The following TENM4 variants were observed in gnomAD, a reference collection of about 807,000 sequenced individuals.
TENM4 encodes teneurin-4.
TENM4 carries 82 observed loss-of-function variants against 243.3 expected under a neutral mutation model. That is an observed-to-expected ratio of 0.34 (90% confidence interval 0.28 to 0.40). The LOEUF (loss-of-function observed/expected upper bound fraction) is 0.40. TENM4 is among the 10% of genes least tolerant of loss of function. TENM4 has a pLI of 1.00. For missense variants in TENM4, 3,138 were observed against 3,673.3 expected (o/e 0.85, Z 3.77); for synonymous variants, 1,412 against 1,456.3 (o/e 0.97, Z 0.69).
intron 3 of TENM4, among the ~76,000 whole-genome samples, chr11:79,211,210 A>G (rs929433668): frequency 6.6e-6 from 1 of 152,204 alleles, no homozygotes; most frequent in Admixed American, 6.5e-5. Context: ...TGGGAAAAGC[A>G]TTCTAGGCCA....
chr11:79,007,389 G>T (rs1858514793), intron 6 of TENM4, among the ~76,000 whole-genome samples: 1 of 152,170 alleles, frequency 6.6e-6, no homozygotes, highest in African/African-American at 2.4e-5. Context: ...GAGACTATGT[G>T]AGTGATTTCC....
At chr11:79,081,986 T>C (rs1860687483) in intron 4 of TENM4, among the ~76,000 whole-genome samples, 1 of 152,192 alleles carries the variant, frequency 6.6e-6, no homozygotes, top group Admixed American at 6.5e-5. Flanking sequence ...TGCATTGCTC[T>C]GTGCCTCAAT....
chr11:79,257,454 G>C (rs1013238592), intron 2 of TENM4, among the ~76,000 whole-genome samples: 2 of 152,170 alleles, frequency 1.3e-5, no homozygotes, highest in Non-Finnish European at 2.9e-5. Context: ...AATGTCCTCA[G>C]CTAGAGGGAG....
chr11:78,743,227 C>A (rs959823065), intron 19 of TENM4, among the ~76,000 whole-genome samples: 4 of 152,122 alleles, frequency 2.6e-5, no homozygotes, highest in African/African-American at 9.7e-5. Context: ...CACTCCTGCT[C>A]CTTCTGGGCT....
intron 12 of TENM4, among the ~76,000 whole-genome samples, chr11:78,837,747 C>G (rs577750840): frequency 6.6e-6 from 1 of 152,270 alleles, no homozygotes; most frequent in South Asian, 2.1e-4. Context: ...TGTTTTCTTT[C>G]TCTTGGACTG....
intron 28 of TENM4, among the ~76,000 whole-genome samples, chr11:78,698,579 T>A (rs1859030048): frequency 6.6e-6 from 1 of 152,236 alleles, no homozygotes; most frequent in South Asian, 2.1e-4. Context: ...ACTAGATTAA[T>A]GGTTCATTGG....
intron 7 of TENM4, among the ~76,000 whole-genome samples, chr11:78,897,520 T>TC (rs2136312883): frequency 6.6e-6 from 1 of 152,244 alleles, no homozygotes; most frequent in African/African-American, 2.4e-5. Context: ...ACCTGGCCGT[T>TC]CCCAGTAAGG....
chr11:78,711,768 G>T (rs765149304), intron 26 of TENM4, among the ~76,000 whole-genome samples: 2 of 152,016 alleles, frequency 1.3e-5, no homozygotes, highest in Non-Finnish European at 2.9e-5. Context: ...AAGGCACAGG[G>T]GTCTCTCTTG....
Position 78,805,282 on chromosome 11 carries a change from C to CCCCGCCCCACCCCCCCCCCCAA in TENM4, c.2179+9_2179+10insTTGGGGGGGGGGGTGGGGCGGG. The CCCCGCCCCACCCCCCCCCCCAA allele has an allele frequency of 1.0e-6, 1 of 995,568 alleles. No homozygotes were observed. Among genetic ancestry groups the CCCCGCCCCACCCCCCCCCCCAA allele is most frequent in the Non-Finnish European group, 1.2e-6 (1 of 823,790 alleles). The allele number at this position is 995,568 out of a possible 1,614,324, so 61.7% of individuals were successfully genotyped here. On this transcript the variant is annotated intron_variant, in intron 15 of 33. Coordinates refer to ENST00000278550, the MANE Select transcript of TENM4 (RefSeq NM_001098816.3). Reference sequence around the variant, plus strand: ...CCCTCTACCCATGCTTCTTCTCCCCCTGCATTTACCGATAGAACAGTCGTG... The same window carrying CCCCGCCCCACCCCCCCCCCCAA: ...CCCTCTACCCATGCTTCTTCTCCCCCCCCGCCCCACCCCCCCCCCCAATGCATTTACCGATAGAACAGTCGTG...
intron 1 of TENM4, among the ~76,000 whole-genome samples, chr11:79,437,977 C>T (rs1261643982): frequency 6.6e-6 from 1 of 152,204 alleles, no homozygotes; most frequent in Admixed American, 6.5e-5. Flanking sequence ...AGGATCATGG[C>T]AGCGGCAGGA....
At chr11:79,173,017 G>A (rs1391289963) in intron 3 of TENM4, among the ~76,000 whole-genome samples, 1 of 152,166 alleles carries the variant, frequency 6.6e-6, no homozygotes, top group Admixed American at 6.5e-5. Context: ...TTTCCAAAAT[G>A]TAAATCTCAT....
chr11:78,845,992 G>A (rs1471304124), intron 12 of TENM4, among the ~76,000 whole-genome samples: 3 of 152,170 alleles, frequency 2.0e-5, no homozygotes, highest in Non-Finnish European at 4.4e-5. Context: ...CCTAGGAGGT[G>A]TGATGCCATG....
intron 25 of TENM4, 48 bp downstream of exon 25, chr11:78,720,322 T>C (rs976461943): frequency 6.2e-7 from 1 of 1,608,230 alleles, no homozygotes; most frequent in Non-Finnish European, 8.5e-7. Flanking sequence ...CCATACAGCA[T>C]GCAACAAGGC....
intron 1 of TENM4, among the ~76,000 whole-genome samples, chr11:79,396,239 C>G (rs1858342310): frequency 6.6e-6 from 1 of 152,340 alleles, no homozygotes; most frequent in African/African-American, 2.4e-5. Context: ...TATTCTCCCC[C>G]ACTGTATGGT....
Position 78,863,064 on chromosome 11 carries a change from C to A in TENM4, c.1153G>T (p.Asp385Tyr). The change falls in exon 10 of 34, where the codon GAC becomes TAC. Residue 385 changes from aspartate (D) to tyrosine (Y), a missense_variant. Physicochemically the swap from Asp to Tyr is radical, Grantham distance 160. Coordinates refer to ENST00000278550, the MANE Select transcript of TENM4 (RefSeq NM_001098816.3). ...GGCACAGGCCAACTGCTGGCTGTGT[C>A]CTCCGTGATCTCATACATCTGCCCC... ...MEGQMYEITE[D>Y]TASSWPVPTD... is the part of the protein sequence containing the mutation. 6.5e-7 allele frequency: 1 copy of A among 1,536,810 alleles called. No homozygotes were observed.
At chr11:78,746,385 C>T (rs1856052102) in intron 19 of TENM4, among the ~76,000 whole-genome samples, 1 of 152,254 alleles carries the variant, frequency 6.6e-6, no homozygotes, top group Admixed American at 6.5e-5. Context: ...TCTGTGGCCT[C>T]CTAGCTAAGC....
chr11:79,381,374 G>T (rs1857998859), intron 1 of TENM4, among the ~76,000 whole-genome samples: 1 of 151,606 alleles, frequency 6.6e-6, no homozygotes, highest in South Asian at 2.1e-4. Flanking sequence ...AGTGTGCACA[G>T]CTTTCTAAAT....
At chr11:79,370,771 T>C (rs1590916981) in intron 1 of TENM4, among the ~76,000 whole-genome samples, 1 of 73,866 alleles carries the variant, frequency 1.4e-5, no homozygotes, top group Non-Finnish European at 2.3e-5. Flanking sequence ...AAGGCACAAC[T>C]CCTATGGTAA....
At chr11:78,768,598 T>C (rs561997852) in intron 18 of TENM4, among the ~76,000 whole-genome samples, 1 of 152,332 alleles carries the variant, frequency 6.6e-6, no homozygotes, top group South Asian at 2.1e-4. Flanking sequence ...TGTAGACACT[T>C]GGTTAACATT....
Sources: allele counts gnomAD v4.1 joint callset (sites outside exome capture counted in the v4.1 genomes callset), GRCh38; gene constraint gnomAD v4.1.1; transcripts MANE v1.5; gene names NCBI Gene and HGNC (gene_info 2026-07-23, HGNC 2026-07-21).